ASS1: variants seen among roughly 807,000 people sequenced by gnomAD.
The protein encoded by ASS1 is argininosuccinate synthase 1.
ASS1 carries 58 observed loss-of-function variants against 60.5 expected under a neutral mutation model. The ratio of observed to expected loss-of-function variants is 0.96; its 90% CI spans 0.78 to 1.19. The LOEUF (loss-of-function observed/expected upper bound fraction) is 1.19, where lower values mean the gene tolerates loss of function less well. Among genes scored for constraint, ASS1 ranks in the 50% most tolerant of loss-of-function variants. The probability of loss-of-function intolerance (pLI) is 0.00; values close to 1 mark genes in which losing one functional copy is unlikely to be tolerated. For missense variants in ASS1, 454 were observed against 547.3 expected (o/e 0.83, Z 1.70); for synonymous variants, 200 against 206.9 (o/e 0.97, Z 0.29).
intron 13 of ASS1, among the ~76,000 whole-genome samples, chr9:130,496,603 A>G (rs1239909126): frequency 2.0e-5 from 3 of 150,848 alleles, no homozygotes; most frequent in Non-Finnish European, 4.4e-5. Context: ...TAAAAAAAAA[A>G]AAAAAAAAAA....
chr9:130,470,228 C>T lies in ASS1; in HGVS notation c.496-606C>T, dbSNP rs1472104810. ...GTCCTCCTGTAACAACAGACTGGGCCATTTAGGAAGCGAAACAGAGCCAGA... is the reference window on the plus strand; with the variant it reads ...GTCCTCCTGTAACAACAGACTGGGCTATTTAGGAAGCGAAACAGAGCCAGA... On this transcript the variant is annotated intron_variant, in intron 6 of 14. Transcript: ENST00000352480. This position sits in a 1 kb window ranked among gnomAD's most constrained non-coding sequence, Gnocchi z 4.3. Among the ~76,000 whole-genome samples the T allele has an allele frequency of 2.0e-5, 3 of 152,184 alleles. No individual in the cohort carries two copies. Among genetic ancestry groups the T allele is most frequent in the Non-Finnish European group, 1.5e-5 (1 of 68,024 alleles).
Position 130,470,729 on chromosome 9 carries a change from TG to T in ASS1, c.496-100del. 8.8e-7 allele frequency: 1 copy of T among 1,132,862 alleles called. No homozygotes were observed. The highest frequency in any genetic ancestry group is 1.3e-6 in the Non-Finnish European group (1 of 746,964). The allele number at this position is 1,132,862 out of a possible 1,614,324, so 70.2% of individuals were successfully genotyped here. On this transcript the variant is annotated intron_variant, in intron 6 of 14. Transcript: ENST00000352480. The surrounding 1 kb of genome is among the most constrained non-coding windows in gnomAD (Gnocchi z 4.3). ...GGAGGTAGCCAGGGTCTTGTCTGAA[TG>T]GGGGCCAGAGTTTGGGGCTCTCTGA... is the stretch of plus-strand genomic sequence containing the variant.
rs1197499592 is a variant in ASS1 at position 130,494,430 on chromosome 9, C to T, written c.971-437C>T. Among the ~76,000 whole-genome samples, 8 of 152,232 alleles carry T rather than the reference C, an allele frequency of 5.3e-5. No homozygotes were observed. On this transcript the variant is annotated intron_variant, in intron 12 of 14. Coordinates refer to ENST00000352480, the MANE Select transcript of ASS1 (RefSeq NM_054012.4). The surrounding 1 kb of genome is among the most constrained non-coding windows in gnomAD (Gnocchi z 4.3). The stretch of plus-strand genomic sequence containing the variant: ...ACCACCCAGCTGCCTGCACTGGACA[C>T]CCATATCACCAAGCCCCAGGCAGCA...
intron 1 of ASS1, among the ~76,000 whole-genome samples, chr9:130,447,627 G>A (rs537101169): frequency 2.0e-5 from 3 of 152,372 alleles, no homozygotes; most frequent in South Asian, 2.1e-4. Context: ...CATTTGCCAG[G>A]GAGCTGGAGA....
At chr9:130,474,263 C>T (rs1564153286) in intron 8 of ASS1, among the ~76,000 whole-genome samples, 2 of 152,128 alleles carry the variant, frequency 1.3e-5, no homozygotes, top group Admixed American at 6.6e-5. Flanking sequence ...TTTATTTAAT[C>T]GGCGCTGTCA....
At chr9:130,480,514 C>A in intron 11 of ASS1, 65 bp downstream of exon 11, 1 of 1,566,646 alleles carries the variant, frequency 6.4e-7, no homozygotes. Flanking sequence ...ATCCCTGAGA[C>A]CCTGTCCCCT....
chr9:130,462,772 G>A (rs1588479472), intron 4 of ASS1, among the ~76,000 whole-genome samples: 1 of 152,214 alleles, frequency 6.6e-6, no homozygotes, highest in African/African-American at 2.4e-5. Context: ...GTCCTCATCC[G>A]TAAGATGGGA....
intron 1 of ASS1, among the ~76,000 whole-genome samples, chr9:130,451,225 C>T (rs558545841): frequency 2.0e-4 from 30 of 152,226 alleles, no homozygotes; most frequent in Non-Finnish European, 3.8e-4. Context: ...GAGGCCTTGG[C>T]GCCTTCGGGA....
chr9:130,446,831 G>T (rs1184016300), intron 1 of ASS1, among the ~76,000 whole-genome samples: 1 of 152,210 alleles, frequency 6.6e-6, no homozygotes, highest in African/African-American at 2.4e-5. Flanking sequence ...TGGGCACCAG[G>T]CACCCATGTG....
chr9:130,487,365 G>C (rs941555902), intron 11 of ASS1, among the ~76,000 whole-genome samples: 2 of 151,604 alleles, frequency 1.3e-5, no homozygotes, highest in Admixed American at 6.6e-5. Flanking sequence ...CCAGATCCCC[G>C]GTAGGCTTCA....
At chr9:130,461,291 T>G (rs1845585131) in intron 4 of ASS1, among the ~76,000 whole-genome samples, 1 of 152,126 alleles carries the variant, frequency 6.6e-6, no homozygotes, top group Admixed American at 6.5e-5. Context: ...CCAGCCCACA[T>G]TTAGCCTGCA....
At chr9:130,455,258 CATCT>C (rs1453486743) in intron 3 of ASS1, among the ~76,000 whole-genome samples, 1 of 151,870 alleles carries the variant, frequency 6.6e-6, no homozygotes, top group Non-Finnish European at 1.5e-5. Flanking sequence ...ATCCATCCAT[CATCT>C]ATCCATCCAT....
intron 5 of ASS1, among the ~76,000 whole-genome samples, chr9:130,466,040 C>T (rs940933095): frequency 2.3e-4 from 35 of 152,194 alleles, no homozygotes; most frequent in Non-Finnish European, 3.7e-4. Context: ...GAGGAGGTGG[C>T]GGGCCCCTTC....
At chr9:130,480,247 T>G in intron 10 of ASS1, 138 bp from the exon 11 acceptor site, 1 of 939,058 alleles carries the variant, frequency 1.1e-6, no homozygotes, top group South Asian at 1.4e-5. Flanking sequence ...CCGGCTCAGA[T>G]GTCCTCTTGA....
intron 4 of ASS1, among the ~76,000 whole-genome samples, chr9:130,461,127 AG>A (rs1022930162): frequency 7.1e-6 from 1 of 141,006 alleles, no homozygotes; most frequent in Non-Finnish European, 1.5e-5. Flanking sequence ...GAATTCTGGG[AG>A]GGGTCCTGCC....
At chr9:130,475,719 A>G (rs476067) in intron 8 of ASS1, among the ~76,000 whole-genome samples, 127,224 of 149,440 alleles carry the variant, frequency 0.85, 56,266 homozygotes, top group Non-Finnish European at 0.99. Context: ...GATGGGAAGC[A>G]ATACGTGAAT....
At chr9:130,451,637 T>C (rs1185384995) in intron 1 of ASS1, 2 of 356,238 alleles carry the variant, frequency 5.6e-6, no homozygotes, top group South Asian at 4.1e-5. Flanking sequence ...GAAGCACAGA[T>C]TCTTGTGCCC....
chr9:130,474,706 T>G (rs1383434827), intron 8 of ASS1, among the ~76,000 whole-genome samples: 1 of 152,268 alleles, frequency 6.6e-6, no homozygotes, highest in South Asian at 2.1e-4. Context: ...CCTGTGGCTG[T>G]GATGCTGGCT....
rs1222567538 is a variant in ASS1 at position 130,479,174 on chromosome 9, CG to C, written c.689-541del. On this transcript the variant is annotated intron_variant, in intron 9 of 14. Coordinates refer to ENST00000352480, the MANE Select transcript of ASS1 (RefSeq NM_054012.4). Reference sequence around the variant, plus strand: ...GGATTCAGGGACGCTGCCGACACCTCGCCTGCTGGAGCGGGCACCGTGTCAC... The same window carrying C: ...GGATTCAGGGACGCTGCCGACACCTCCCTGCTGGAGCGGGCACCGTGTCAC... Among the ~76,000 whole-genome samples the C allele has an allele frequency of 1.2e-4, 18 of 152,006 alleles. 1 individual carries two copies. The highest frequency in any genetic ancestry group is 4.3e-4 in the African/African-American group (18 of 41,422).
Sources: gnomAD v4.1 joint callset for allele counts (sites outside exome capture counted in the v4.1 genomes callset) on GRCh38, gnomAD v4.1.1 for gene constraint, Gnocchi (gnomAD v3.1) non-coding constraint, MANE v1.5 for transcripts, NCBI Gene and HGNC (gene_info 2026-07-23, HGNC 2026-07-21) for gene names.